CREB5: variants seen among roughly 807,000 people sequenced by gnomAD.
CREB5 encodes cyclic AMP-responsive element-binding protein 5.
Under a neutral mutation model 57.1 loss-of-function variants are expected in CREB5, and 19 were observed. The observed-to-expected ratio is 0.33, with a 90% CI of 0.23 to 0.49. The LOEUF (loss-of-function observed/expected upper bound fraction) is 0.49, where lower values mean the gene tolerates loss of function less well. CREB5 is among the 20% of genes least tolerant of loss of function. The probability of loss-of-function intolerance (pLI) is 0.99; values close to 1 mark genes in which losing one functional copy is unlikely to be tolerated. For missense variants in CREB5, 579 were observed against 671.6 expected, an observed-to-expected ratio of 0.86 and a Z score of 1.52; for synonymous variants, 238 against 238.3, an observed-to-expected ratio of 1.00 and a Z score of 0.01.
intron 5 of CREB5, among the ~76,000 whole-genome samples, chr7:28,672,188 A>AACACACACACAC (rs1554283304): frequency 6.8e-6 from 1 of 146,998 alleles, no homozygotes; most frequent in African/African-American, 2.5e-5. Context: ...AAAAAAAAAA[A>AACACACACACAC]ACACACACAC....
At chr7:28,342,695 G>A (rs953067061) in intron 1 of CREB5, among the ~76,000 whole-genome samples, 3 of 152,146 alleles carry the variant, frequency 2.0e-5, no homozygotes, top group African/African-American at 7.2e-5. Flanking sequence ...ACCTCATGCT[G>A]GGCCTGTGTG....
chr7:28,609,358 AC>A (rs747888075), intron 5 of CREB5, among the ~76,000 whole-genome samples: 1 of 152,072 alleles, frequency 6.6e-6, no homozygotes, highest in Non-Finnish European at 1.5e-5. Context: ...CCCTGACCTT[AC>A]CTGCTTCCGG....
At chr7:28,673,970 A>G (rs889653952) in intron 5 of CREB5, among the ~76,000 whole-genome samples, 5 of 152,054 alleles carry the variant, frequency 3.3e-5, no homozygotes, top group Admixed American at 6.5e-5. Flanking sequence ...GCCATGTCCA[A>G]CCAATTTATC....
intron 1 of CREB5, among the ~76,000 whole-genome samples, chr7:28,365,473 A>T (rs1204273814): frequency 6.6e-6 from 1 of 151,622 alleles, no homozygotes; most frequent in East Asian, 1.9e-4. Context: ...TCTCTATTGA[A>T]CTCTTCCCAT....
intron 5 of CREB5, among the ~76,000 whole-genome samples, chr7:28,655,266 C>G (rs59536462): frequency 0.24 from 35,889 of 151,998 alleles, 5,216 homozygotes; most frequent in Non-Finnish European, 0.32. Context: ...TGTTGTATTA[C>G]TCTTTAAACG....
chr7:28,703,934 G>A (rs911406521), intron 5 of CREB5, among the ~76,000 whole-genome samples: 1 of 152,172 alleles, frequency 6.6e-6, no homozygotes, highest in South Asian at 2.1e-4. Context: ...TCATCCATAG[G>A]ACTCAACCTA....
At chr7:28,557,819 G>A (rs1159425633) in intron 4 of CREB5, among the ~76,000 whole-genome samples, 1 of 152,226 alleles carries the variant, frequency 6.6e-6, no homozygotes, top group African/African-American at 2.4e-5. Flanking sequence ...CAACAACAGA[G>A]TGATGGGGTA....
At chr7:28,390,173 TTGA>T (rs1787188754) in intron 1 of CREB5, among the ~76,000 whole-genome samples, 1 of 152,062 alleles carries the variant, frequency 6.6e-6, no homozygotes, top group African/African-American at 2.4e-5. Flanking sequence ...TATGAGGCAA[TTGA>T]TGATTGCCTG....
At chr7:28,370,169 A>C (rs528904005) in intron 1 of CREB5, among the ~76,000 whole-genome samples, 2 of 152,224 alleles carry the variant, frequency 1.3e-5, no homozygotes, top group Non-Finnish European at 2.9e-5. Flanking sequence ...ATTAGTGGAA[A>C]TAGGAGAGGC....
intron 4 of CREB5, among the ~76,000 whole-genome samples, chr7:28,516,191 G>A (rs1792943493): frequency 6.6e-6 from 1 of 152,028 alleles, no homozygotes; most frequent in Non-Finnish European, 1.5e-5. Context: ...TCGACTGAGT[G>A]ACAGAGCGAC....
intron 5 of CREB5, among the ~76,000 whole-genome samples, chr7:28,711,602 T>C (rs575260685): frequency 6.6e-6 from 1 of 152,338 alleles, no homozygotes; most frequent in Admixed American, 6.5e-5. Flanking sequence ...CATTTGTCAT[T>C]GTTTTTAGGA....
chr7:28,817,287 G>C (rs1269962143), intron 9 of CREB5, among the ~76,000 whole-genome samples: 3 of 152,186 alleles, frequency 2.0e-5, no homozygotes, highest in African/African-American at 7.2e-5. Context: ...CATGTGTACT[G>C]TATGCTTCCA....
At chr7:28,415,579 A>G (rs1397410816) in intron 1 of CREB5, among the ~76,000 whole-genome samples, 1 of 152,136 alleles carries the variant, frequency 6.6e-6, no homozygotes, top group Non-Finnish European at 1.5e-5. Context: ...ATTTTTTCTA[A>G]TAAGGGCCTC....
Position 28,563,402 on chromosome 7 carries a change from C to T in CREB5, c.292-6963C>T, listed in dbSNP as rs80114927. On this transcript the variant is annotated intron_variant, in intron 4 of 10. Coordinates refer to ENST00000357727, the MANE Select transcript of CREB5 (RefSeq NM_182898.4). ...GAGAACTTAAATTTTGTGCCCCAGACATGATGGAGCTGATGCAAACTTGAT... is the reference window on the plus strand; with the variant it reads ...GAGAACTTAAATTTTGTGCCCCAGATATGATGGAGCTGATGCAAACTTGAT... 7.2e-3 allele frequency among the ~76,000 whole-genome samples: 1,091 copies of T among 152,308 alleles called. 14 individuals carry two copies. Among genetic ancestry groups the T allele is most frequent in the African/African-American group, 0.025 (1,021 of 41,554 alleles).
chr7:28,311,138 C>CAAAA (rs58272820), intron 1 of CREB5, among the ~76,000 whole-genome samples: 2,228 of 117,538 alleles, frequency 0.019, 81 homozygotes, highest in East Asian at 0.039. Context: ...ACTAAAAATA[C>CAAAA]AAAAAAAAAA....
chr7:28,454,249 G>A (rs1789988554), intron 1 of CREB5, among the ~76,000 whole-genome samples: 1 of 152,080 alleles, frequency 6.6e-6, no homozygotes, highest in South Asian at 2.1e-4. Flanking sequence ...CACCACGCGC[G>A]GCTCCAATTC....
At chr7:28,377,540 G>T (rs1786858162) in intron 1 of CREB5, among the ~76,000 whole-genome samples, 1 of 151,650 alleles carries the variant, frequency 6.6e-6, no homozygotes, top group Non-Finnish European at 1.5e-5. Flanking sequence ...GCAGCCTTCA[G>T]ATTTTTGAAA....
intron 4 of CREB5, among the ~76,000 whole-genome samples, chr7:28,533,396 G>C (rs1793816024): frequency 6.6e-6 from 1 of 152,136 alleles, no homozygotes; most frequent in Non-Finnish European, 1.5e-5. Context: ...CTTGTTCCGG[G>C]CCATAAGACA....
chr7:28,736,185 T>G (rs1398895502), intron 7 of CREB5, among the ~76,000 whole-genome samples: 1 of 152,118 alleles, frequency 6.6e-6, no homozygotes, highest in Non-Finnish European at 1.5e-5. Flanking sequence ...TTGTTTTGTT[T>G]TGAGACAGAG....
Sources: allele counts gnomAD v4.1 joint callset (sites outside exome capture counted in the v4.1 genomes callset), GRCh38; gene constraint gnomAD v4.1.1; transcripts MANE v1.5; gene names NCBI Gene and HGNC (gene_info 2026-07-23, HGNC 2026-07-21).